PDGFC: variants seen among roughly 807,000 people sequenced by gnomAD.
The protein encoded by PDGFC is platelet derived growth factor C.
Under a neutral mutation model 35.5 loss-of-function variants are expected in PDGFC, and 12 were observed. The observed-to-expected ratio is 0.34, with a 90% confidence interval of 0.22 to 0.55. The LOEUF is 0.55. Among genes scored for constraint, PDGFC ranks in the 20% least tolerant of loss-of-function variants. The probability of loss-of-function intolerance (pLI) is 0.91; values close to 1 mark genes in which losing one functional copy is unlikely to be tolerated. For missense variants in PDGFC, 322 were observed against 412.4 expected (o/e 0.78, Z 1.90); for synonymous variants, 159 against 148.8 (o/e 1.07, Z -0.50).
chr4:156,814,588 T>C (rs1560822964), intron 2 of PDGFC, among the ~76,000 whole-genome samples: 1 of 152,152 alleles, frequency 6.6e-6, no homozygotes, highest in Non-Finnish European at 1.5e-5. Flanking sequence ...ATAACCATTT[T>C]AATCTTCCTA....
intron 1 of PDGFC, among the ~76,000 whole-genome samples, chr4:156,917,623 C>T (rs142163958): frequency 1.4e-3 from 208 of 152,258 alleles, no homozygotes; most frequent in African/African-American, 4.7e-3. Flanking sequence ...TTAGATTTGG[C>T]CTATTATAGA....
At chr4:156,780,209 T>C (rs1730941165) in intron 3 of PDGFC, among the ~76,000 whole-genome samples, 1 of 151,174 alleles carries the variant, frequency 6.6e-6, no homozygotes, top group African/African-American at 2.4e-5. Context: ...CAGTGGCAAG[T>C]GTTTGACAAC....
chr4:156,959,449 C>T (rs903799500), intron 1 of PDGFC, among the ~76,000 whole-genome samples: 2 of 151,906 alleles, frequency 1.3e-5, no homozygotes, highest in African/African-American at 4.8e-5. Flanking sequence ...TTATTACATC[C>T]ATTCCCTTTA....
At position 156,763,018 on chromosome 4, in the gene PDGFC, C is replaced by T. The variant is rs767855995; in HGVS notation, c.*72G>A. On this transcript the variant is annotated 3_prime_UTR_variant, in exon 6 of 6. Coordinates refer to ENST00000502773, the MANE Select transcript of PDGFC (RefSeq NM_016205.3). The stretch of plus-strand genomic sequence containing the variant: ...CAACTGAGATTAAGGATGGAGATAA[C>T]GCATACGTTCTCTAATAGAATCAGC... The T allele has an allele frequency of 5.5e-5, 43 of 783,920 alleles. No individual in the cohort carries two copies. The highest frequency in any genetic ancestry group is 3.1e-4 in the Middle Eastern group (1 of 3,240). The allele number at this position is 783,920 out of a possible 1,614,324, so 48.6% of individuals were successfully genotyped here.
intron 1 of PDGFC, among the ~76,000 whole-genome samples, chr4:156,851,293 T>TA (rs1297568956): frequency 6.6e-6 from 1 of 152,148 alleles, no homozygotes; most frequent in Non-Finnish European, 1.5e-5. Flanking sequence ...TATTAAAATA[T>TA]AAAAAATGTT....
intron 1 of PDGFC, among the ~76,000 whole-genome samples, chr4:156,947,778 G>T (rs1292826444): frequency 1.3e-5 from 2 of 151,840 alleles, no homozygotes; most frequent in African/African-American, 4.8e-5. Context: ...TATTTCCTAG[G>T]ACAAAATATT....
At chr4:156,869,749 AT>A (rs1026344378) in intron 1 of PDGFC, among the ~76,000 whole-genome samples, 1 of 152,152 alleles carries the variant, frequency 6.6e-6, no homozygotes, top group African/African-American at 2.4e-5. Context: ...ATTCCACCAA[AT>A]ATGCCTATTC....
intron 4 of PDGFC, among the ~76,000 whole-genome samples, chr4:156,772,162 T>C (rs1313828405): frequency 6.6e-6 from 1 of 152,198 alleles, no homozygotes; most frequent in African/African-American, 2.4e-5. Context: ...CCTTGAAAAC[T>C]ATGAATTCTA....
chr4:156,901,135 TC>T (rs1216796877), intron 1 of PDGFC, among the ~76,000 whole-genome samples: 3 of 152,194 alleles, frequency 2.0e-5, no homozygotes, highest in Admixed American at 2.0e-4. Context: ...TTGGTATGTT[TC>T]TTAAAAATAC....
At position 156,761,574 on chromosome 4, in the gene PDGFC, C is replaced by T. The variant is rs180703524; in HGVS notation, c.*1516G>A. 3 of 152,556 alleles carry T rather than the reference C, an allele frequency of 2.0e-5. No homozygotes were observed. The highest frequency in any genetic ancestry group is 2.0e-4 in the Admixed American group (3 of 15,296). 9.5% of individuals were successfully genotyped at this position (152,556 alleles called of 1,614,324 possible). A position where few individuals can be genotyped will look rare whatever the true frequency, so the allele number is the denominator to read the frequency against. ...CAGAAAATTTTATCTTTCATTTTCT[C>T]AGAGTCCAAGAAATAAATCTTGAGC... On this transcript the variant is annotated 3_prime_UTR_variant, in exon 6 of 6. Coordinates refer to ENST00000502773, the MANE Select transcript of PDGFC (RefSeq NM_016205.3).
At chr4:156,842,716 A>G (rs1729234725) in intron 2 of PDGFC, among the ~76,000 whole-genome samples, 1 of 152,160 alleles carries the variant, frequency 6.6e-6, no homozygotes, top group South Asian at 2.1e-4. Flanking sequence ...CTCAGGCTCC[A>G]GAGAAACACA....
At chr4:156,839,560 G>T (rs1377845394) in intron 2 of PDGFC, among the ~76,000 whole-genome samples, 1 of 152,126 alleles carries the variant, frequency 6.6e-6, no homozygotes, top group Non-Finnish European at 1.5e-5. Flanking sequence ...CAGTAAATTG[G>T]TACTGGGAGT....
chr4:156,869,885 T>C (rs1318120007), intron 1 of PDGFC, among the ~76,000 whole-genome samples: 4 of 152,132 alleles, frequency 2.6e-5, no homozygotes, highest in Non-Finnish European at 5.9e-5. Context: ...AATATTTTAA[T>C]TTTAATACAG....
chr4:156,894,965 T>C (rs1232877714), intron 1 of PDGFC, among the ~76,000 whole-genome samples: 1 of 152,154 alleles, frequency 6.6e-6, no homozygotes, highest in Non-Finnish European at 1.5e-5. Context: ...AATGAGTATA[T>C]AATTAAATCC....
chr4:156,928,388 TAAA>T (rs1454222089), intron 1 of PDGFC, among the ~76,000 whole-genome samples: 1 of 152,138 alleles, frequency 6.6e-6, no homozygotes, highest in Non-Finnish European at 1.5e-5. Context: ...ATTTTAACTT[TAAA>T]GATTGAAAAT....
At chr4:156,840,752 C>T (rs963988564) in intron 2 of PDGFC, among the ~76,000 whole-genome samples, 1 of 152,154 alleles carries the variant, frequency 6.6e-6, no homozygotes, top group Non-Finnish European at 1.5e-5. Flanking sequence ...GGCAGAGCTG[C>T]CCAAGGCCAT....
chr4:156,855,993 C>T (rs923844091), intron 1 of PDGFC, among the ~76,000 whole-genome samples: 3 of 152,020 alleles, frequency 2.0e-5, no homozygotes, highest in African/African-American at 7.2e-5. Flanking sequence ...CCATCAATTG[C>T]AAACTATATA....
At chr4:156,809,879 G>T (rs1220790722) in intron 3 of PDGFC, among the ~76,000 whole-genome samples, 1 of 151,664 alleles carries the variant, frequency 6.6e-6, no homozygotes, top group African/African-American at 2.4e-5. Flanking sequence ...TCACATGTTT[G>T]GGATGAATAA....
intron 3 of PDGFC, among the ~76,000 whole-genome samples, chr4:156,793,827 T>TA (rs71602277): frequency 0.41 from 59,353 of 146,346 alleles, 13,302 homozygotes; most frequent in African/African-American, 0.62. Context: ...ATTTTTGGAT[T>TA]AAAAAAAAAA....
Sources: gnomAD v4.1 joint callset for allele counts (sites outside exome capture counted in the v4.1 genomes callset) on GRCh38, gnomAD v4.1.1 for gene constraint, MANE v1.5 for transcripts, NCBI Gene and HGNC (gene_info 2026-07-23, HGNC 2026-07-21) for gene names.